Variants in INSL6 observed in about 807,000 individuals in gnomAD.
INSL6 encodes insulin like 6.
INSL6 carries 16 observed loss-of-function variants against 9.4 expected under a neutral mutation model. That is an observed-to-expected ratio of 1.70 (90% CI 1.15 to 2.59). INSL6 has a LOEUF of 2.59. INSL6 is among the 30% of genes most tolerant of loss of function. The pLI, the probability that INSL6 is intolerant of heterozygous loss-of-function variation, is 0.00. For synonymous variants in INSL6, 154 were observed against 96.9 expected (o/e 1.59, Z -3.46); for missense variants, 391 against 257.3 (o/e 1.52, Z -3.56).
intron 1 of INSL6, 95 bp downstream of exon 1, chr9:5,185,219 T>G: frequency 6.6e-7 from 1 of 1,516,104 alleles, no homozygotes; most frequent in Non-Finnish European, 9.2e-7. Flanking sequence ...AGGCACAAAT[T>G]CCACTTCCTG....
intron 3 of INSL6, chr9:5,127,086 C>T (rs542384876): frequency 2.9e-4 from 77 of 266,824 alleles, no homozygotes; most frequent in Middle Eastern, 2.2e-3. Flanking sequence ...ACTTTTTCAA[C>T]TCAGCTTTTT....
At chr9:5,184,261 C>G (rs1327296087) in intron 1 of INSL6, among the ~76,000 whole-genome samples, 1 of 152,154 alleles carries the variant, frequency 6.6e-6, no homozygotes, top group Non-Finnish European at 1.5e-5. Flanking sequence ...TCCTTAATTT[C>G]AGAAATCTTC....
chr9:5,021,833 A>G, the INSL6 span: 2 of 600,348 alleles, frequency 3.3e-6, no homozygotes, highest in East Asian at 2.8e-5. Context: ...AGGTTTCACC[A>G]TGTTGCTGAG....
chr9:5,048,946 T>G, the INSL6 span, among the ~76,000 whole-genome samples: 1 of 152,306 alleles, frequency 6.6e-6, no homozygotes, highest in Middle Eastern at 3.4e-3. Flanking sequence ...TTTAGAATAT[T>G]TGTACTTCTG....
At chr9:5,128,319 C>T (rs1046677845) in intron 3 of INSL6, 10 of 222,612 alleles carry the variant, frequency 4.5e-5, no homozygotes, top group Middle Eastern at 1.4e-3. Flanking sequence ...TTTAATAGTT[C>T]TGGATGCAGA....
At chr9:5,161,834 C>T (rs562277090), downstream of INSL6, among the ~76,000 whole-genome samples, 5 of 152,238 alleles carry the variant, frequency 3.3e-5, no homozygotes, top group Admixed American at 3.3e-4. Context: ...AAACCCAGCA[C>T]TTTGGGAGGC....
the INSL6 span, among the ~76,000 whole-genome samples, chr9:5,014,028 T>C: frequency 6.6e-6 from 1 of 152,152 alleles, no homozygotes; most frequent in Non-Finnish European, 1.5e-5. Flanking sequence ...ATCTGAAAAG[T>C]TGTGTCTCTT....
chr9:5,073,849 A>G, the INSL6 span: 1 of 1,099,850 alleles, frequency 9.1e-7, no homozygotes, highest in African/African-American at 1.6e-5. Flanking sequence ...TATATAGAAA[A>G]TTCAGTTTCA....
the INSL6 span, among the ~76,000 whole-genome samples, chr9:5,088,404 G>T: frequency 6.6e-6 from 1 of 152,140 alleles, no homozygotes; most frequent in Non-Finnish European, 1.5e-5. Flanking sequence ...TATCCTGTAA[G>T]AATGCAATAA....
rs141953352 is a variant in INSL6 at position 5,152,651 on chromosome 9, G to T, written c.376+11528C>A. On this transcript the variant is annotated intron_variant, in intron 2 of 3. Coordinates refer to the INSL6 transcript ENST00000649639. ...ATAAGACTATTAACTTGATAATCAG[G>T]AGGAAATAATAAAGCTAGAAGCATA... Among the ~76,000 whole-genome samples, 1,345 of 152,248 alleles carry T rather than the reference G, an allele frequency of 8.8e-3. 19 individuals are homozygous for T. Among genetic ancestry groups the T allele is most frequent in the African/African-American group, 0.029 (1,218 of 41,540 alleles).
chr9:5,141,135 T>C (rs1006199587), intron 2 of INSL6, among the ~76,000 whole-genome samples: 11 of 152,162 alleles, frequency 7.2e-5, no homozygotes, highest in African/African-American at 2.7e-4. Context: ...GTTGATTCCA[T>C]GACTTTGCTA....
At chr9:5,143,190 A>C (rs1420447525) in intron 2 of INSL6, among the ~76,000 whole-genome samples, 1 of 151,566 alleles carries the variant, frequency 6.6e-6, no homozygotes. Flanking sequence ...TATCAGGATG[A>C]TGCTGACCTC....
chr9:5,002,284 A>G, the INSL6 span, among the ~76,000 whole-genome samples: 2 of 151,946 alleles, frequency 1.3e-5, no homozygotes, highest in South Asian at 2.1e-4. Context: ...ATTTATAGCT[A>G]TACATTCTCT....
chr9:5,150,414 C>T (rs1824686917), intron 2 of INSL6, among the ~76,000 whole-genome samples: 1 of 151,884 alleles, frequency 6.6e-6, no homozygotes, highest in Non-Finnish European at 1.5e-5. Flanking sequence ...ACAAATAATC[C>T]CATTAAAAAT....
chr9:5,140,743 A>T (rs1824480839), intron 2 of INSL6, among the ~76,000 whole-genome samples: 8 of 151,740 alleles, frequency 5.3e-5, no homozygotes, highest in Admixed American at 5.3e-4. Flanking sequence ...TTTTAAGTTC[A>T]GGGTACATAT....
At chr9:5,111,483 A>G in the INSL6 span, 2 of 374,108 alleles carry the variant, frequency 5.3e-6, no homozygotes, top group Admixed American at 3.6e-5. Flanking sequence ...TCAGGTGAGG[A>G]GTACGGTAGG....
chr9:5,155,931 A>G (rs547106213), intron 2 of INSL6, among the ~76,000 whole-genome samples: 1 of 152,328 alleles, frequency 6.6e-6, no homozygotes, highest in East Asian at 1.9e-4. Context: ...AAAAAAAGAA[A>G]AAAAAAGACC....
the INSL6 span, among the ~76,000 whole-genome samples, chr9:5,024,242 C>T: frequency 2.0e-5 from 3 of 151,854 alleles, no homozygotes; most frequent in East Asian, 1.9e-4. Flanking sequence ...GGCGACAGAG[C>T]GAGACTCCAT....
the INSL6 span, among the ~76,000 whole-genome samples, chr9:5,088,765 C>T: frequency 2.0e-5 from 3 of 152,210 alleles, no homozygotes; most frequent in African/African-American, 7.2e-5. Flanking sequence ...GCTGTGTCCT[C>T]ACATGGGAGA....
Sources: gnomAD v4.1 joint callset for allele counts (sites outside exome capture counted in the v4.1 genomes callset) on GRCh38, gnomAD v4.1.1 for gene constraint, MANE v1.5 for transcripts, NCBI Gene and HGNC (gene_info 2026-07-23, HGNC 2026-07-21) for gene names.